Variants in CACNA2D1 observed in about 807,000 individuals in gnomAD.
CACNA2D1 encodes the protein voltage-dependent calcium channel subunit alpha-2/delta-1.
CACNA2D1 carries 53 observed loss-of-function variants against 171.5 expected under a neutral mutation model. The observed-to-expected ratio is 0.31, with a 90% CI of 0.25 to 0.39. The LOEUF (loss-of-function observed/expected upper bound fraction) is 0.39. CACNA2D1 is among the 10% of genes least tolerant of loss of function. The pLI is 1.00. For synonymous variants in CACNA2D1, 442 were observed against 443.1 expected, an observed-to-expected ratio of 1.00 and a Z score of 0.03; for missense variants, 903 against 1,299.8, an observed-to-expected ratio of 0.69 and a Z score of 4.69.
intron 3 of CACNA2D1, among the ~76,000 whole-genome samples, chr7:82,234,200 T>C (rs1040485024): frequency 6.6e-6 from 1 of 152,092 alleles, no homozygotes; most frequent in South Asian, 2.1e-4. Flanking sequence ...GAGGATAAAA[T>C]GAATTATGTG....
chr7:82,287,289 CTTGT>C (rs1176460455), intron 3 of CACNA2D1, among the ~76,000 whole-genome samples: 4 of 150,766 alleles, frequency 2.7e-5, no homozygotes, highest in Non-Finnish European at 5.9e-5. Context: ...ACTAGAGTCC[CTTGT>C]TTATTTCCAA....
intron 1 of CACNA2D1, among the ~76,000 whole-genome samples, chr7:82,434,579 G>A (rs1037468396): frequency 3.3e-5 from 5 of 152,030 alleles, no homozygotes; most frequent in East Asian, 1.9e-4. Context: ...ATGTGTCCAC[G>A]TGTTCTCATT....
At chr7:82,045,260 T>G (rs2131267018) in intron 10 of CACNA2D1, among the ~76,000 whole-genome samples, 1 of 152,160 alleles carries the variant, frequency 6.6e-6, no homozygotes, top group South Asian at 2.1e-4. Context: ...TAAATAAAAA[T>G]ATTTCAATAT....
chr7:82,368,024 T>C (rs1219371381), intron 1 of CACNA2D1, among the ~76,000 whole-genome samples: 1 of 151,740 alleles, frequency 6.6e-6, no homozygotes, highest in Non-Finnish European at 1.5e-5. Context: ...TCAAGAAGGG[T>C]GAAGCCATCG....
intron 3 of CACNA2D1, among the ~76,000 whole-genome samples, chr7:82,282,603 C>G (rs1159447174): frequency 6.6e-6 from 1 of 150,810 alleles, no homozygotes; most frequent in East Asian, 2.0e-4. Flanking sequence ...ATCCTATTTT[C>G]TTATATTTAT....
chr7:82,332,728 A>G (rs1401863990), intron 3 of CACNA2D1, among the ~76,000 whole-genome samples: 2 of 152,194 alleles, frequency 1.3e-5, no homozygotes, highest in Non-Finnish European at 2.9e-5. Flanking sequence ...GGCGGGGTGC[A>G]GTGGCTCATG....
intron 3 of CACNA2D1, among the ~76,000 whole-genome samples, chr7:82,252,260 C>G (rs1198206704): frequency 6.6e-6 from 1 of 152,098 alleles, no homozygotes; most frequent in Non-Finnish European, 1.5e-5. Context: ...TTGATGTAAT[C>G]CTTACAACTA....
At chr7:82,047,046 T>C (rs1462487003) in intron 10 of CACNA2D1, among the ~76,000 whole-genome samples, 1 of 152,112 alleles carries the variant, frequency 6.6e-6, no homozygotes, top group Non-Finnish European at 1.5e-5. Context: ...AAATGTAAAC[T>C]GAATTTAGGA....
Position 82,424,185 on chromosome 7 carries a change from A to C in CACNA2D1, c.95+19180T>G, listed in dbSNP as rs1455214366. ...ATTATTGCTAGACTTATAACAAGAAAAATCCTGAACAAATCAGACAACCAG... is the reference window on the plus strand; with the variant it reads ...ATTATTGCTAGACTTATAACAAGAACAATCCTGAACAAATCAGACAACCAG... On this transcript the variant is annotated intron_variant, in intron 1 of 38. Coordinates refer to ENST00000356860, the MANE Select transcript of CACNA2D1 (RefSeq NM_000722.4). 3.9e-5 allele frequency among the ~76,000 whole-genome samples: 6 copies of C among 152,238 alleles called. No individual in the cohort carries two copies. The South Asian group carries it at 1.2e-3, about 32-fold the overall frequency.
intron 27 of CACNA2D1, among the ~76,000 whole-genome samples, chr7:81,970,469 A>T (rs554206727): frequency 6.6e-6 from 1 of 151,738 alleles, no homozygotes; most frequent in African/African-American, 2.4e-5. Flanking sequence ...ATATTTGGCA[A>T]GCAAAAACAT....
chr7:81,969,011 T>C, intron 28 of CACNA2D1, 38 bp from the exon 29 acceptor site: 2 of 1,081,794 alleles, frequency 1.8e-6, no homozygotes, highest in Non-Finnish European at 2.8e-6. Flanking sequence ...CCTATCAAGA[T>C]ATATTGAATA....
At chr7:82,428,980 T>C (rs1000392242) in intron 1 of CACNA2D1, among the ~76,000 whole-genome samples, 2 of 152,182 alleles carry the variant, frequency 1.3e-5, no homozygotes, top group South Asian at 2.1e-4. Flanking sequence ...ACAGAACCAC[T>C]GTGGGTTTGA....
Position 82,005,474 on chromosome 7 carries a change from A to C in CACNA2D1, c.1539T>G (p.Phe513Leu), listed in dbSNP as rs749574436. Residue 513 changes from phenylalanine to leucine, a missense_variant, in exon 18 of 39, where the codon TTT becomes TTG. Around this residue, in one of 5 missense-constraint regions of CACNA2D1, gnomAD observed 623 missense variants for 925.5 expected, o/e 0.67. Coordinates refer to ENST00000356860, the MANE Select transcript of CACNA2D1 (RefSeq NM_000722.4). Reference sequence around the variant, plus strand: ...AAACATAACCATTAGGATCGATTGCAAAGTAATACCCATTGGGGCACAGCT... The same window carrying C: ...AAACATAACCATTAGGATCGATTGCCAAGTAATACCCATTGGGGCACAGCT... ...RFTLCPNGYY[F>L]AIDPNGYVLL... 6.3e-7 allele frequency: 1 copy of C among 1,597,708 alleles called. No individual in the cohort carries two copies. The highest frequency in any genetic ancestry group is 1.7e-5 in the Admixed American group (1 of 58,604).
intron 1 of CACNA2D1, among the ~76,000 whole-genome samples, chr7:82,440,790 C>A: frequency 6.6e-6 from 1 of 151,664 alleles, no homozygotes; most frequent in South Asian, 2.1e-4. Flanking sequence ...AGAATTTAAG[C>A]CCTTCACACA....
At chr7:82,393,083 AAGGCAGGCAGGC>A (rs1204828684) in intron 1 of CACNA2D1, among the ~76,000 whole-genome samples, 83 of 82,400 alleles carry the variant, frequency 1.0e-3, no homozygotes, top group African/African-American at 3.8e-3. Context: ...GGAAGGAAGG[AAGGCAGGCAGGC>A]AGGCAGGCAG....
intron 1 of CACNA2D1, among the ~76,000 whole-genome samples, chr7:82,440,340 G>T (rs530862111): frequency 1.3e-5 from 2 of 151,678 alleles, no homozygotes; most frequent in Non-Finnish European, 3.0e-5. Context: ...TATAATACTG[G>T]CTATCACACA....
At chr7:82,158,020 AATAT>A (rs1174443540) in intron 4 of CACNA2D1, among the ~76,000 whole-genome samples, 1 of 151,874 alleles carries the variant, frequency 6.6e-6, no homozygotes, top group African/African-American at 2.4e-5. Flanking sequence ...AGCATAGCTG[AATAT>A]ATATACACAT....
At chr7:82,380,380 A>T (rs1220803501) in intron 1 of CACNA2D1, among the ~76,000 whole-genome samples, 2 of 152,162 alleles carry the variant, frequency 1.3e-5, no homozygotes, top group African/African-American at 4.8e-5. Flanking sequence ...CCTATGATTG[A>T]TAGGTAAAAA....
intron 1 of CACNA2D1, among the ~76,000 whole-genome samples, chr7:82,386,759 T>TAAATAAAG (rs1252617235): frequency 1.3e-5 from 2 of 149,528 alleles, no homozygotes; most frequent in African/African-American, 4.9e-5. Context: ...AATAAATAAA[T>TAAATAAAG]AAATAAATAA....
Sources: allele counts gnomAD v4.1 joint callset (sites outside exome capture counted in the v4.1 genomes callset), GRCh38; gene constraint gnomAD v4.1.1; regional missense constraint gnomAD v4.1.1; transcripts MANE v1.5; gene names NCBI Gene and HGNC (gene_info 2026-07-23, HGNC 2026-07-21).